Variants in AKAP9 observed in about 807,000 individuals in gnomAD.
AKAP9 encodes the protein A-kinase anchoring protein 9.
A neutral mutation model predicts 488.5 loss-of-function variants in AKAP9; 311 were observed. That is an observed-to-expected ratio of 0.64 (90% confidence interval 0.58 to 0.70). The LOEUF (loss-of-function observed/expected upper bound fraction) is 0.70. Ranked by LOEUF, AKAP9 falls within the 30% of genes least tolerant of loss-of-function variation. The probability of loss-of-function intolerance (pLI) is 0.00; values close to 1 mark genes in which losing one functional copy is unlikely to be tolerated. For synonymous variants in AKAP9, 1,462 were observed against 1,483.5 expected, an observed-to-expected ratio of 0.99 and a Z score of 0.33; for missense variants, 4,215 against 4,374.5, an observed-to-expected ratio of 0.96 and a Z score of 1.03.
At chr7:92,017,171 T>G in intron 12 of AKAP9, 69 bp downstream of exon 12, 1 of 1,182,770 alleles carries the variant, frequency 8.5e-7, no homozygotes, top group East Asian at 2.6e-5. Flanking sequence ...GTAAGCTGCT[T>G]TTATCAACCA....
At chr7:92,071,111 C>A in intron 28 of AKAP9, 102 bp downstream of exon 28, 1 of 1,120,264 alleles carries the variant, frequency 8.9e-7, no homozygotes, top group Non-Finnish European at 1.3e-6. Flanking sequence ...GATCTAAAAC[C>A]AAAGTTGAGG....
At chr7:92,069,986 C>A (rs752395028) in intron 26 of AKAP9, 44 bp from the exon 27 acceptor site, 18 of 1,575,726 alleles carry the variant, frequency 1.1e-5, no homozygotes, top group Admixed American at 1.7e-5. Flanking sequence ...AACTAGCTTG[C>A]TGAAATTTTT....
In AKAP9 at chr7:92,080,048, A is replaced by G. The variant is rs1426533488; in HGVS notation, c.7915A>G (p.Lys2639Glu). The change falls in exon 31 of 50, where the codon AAA becomes GAA. Residue 2639 changes from lysine to glutamate, a missense_variant. Physicochemically the swap from Lys to Glu is moderately conservative, Grantham distance 56. Coordinates refer to ENST00000356239, the MANE Select transcript of AKAP9 (RefSeq NM_005751.5). ...VEIAEKNVLE[K>E]EKKLLELQKL... Reference sequence around the variant, plus strand: ...AATTGCAGAAAAAAATGTTTTAGAAAAAGAAAAGAAGCTGCTAGAACTACA... The same window carrying G: ...AATTGCAGAAAAAAATGTTTTAGAAGAAGAAAAGAAGCTGCTAGAACTACA... 5.8e-6 allele frequency: 9 copies of G among 1,564,434 alleles called. No individual in the cohort carries two copies. The highest frequency in any genetic ancestry group is 1.7e-4 in the Middle Eastern group (1 of 5,726).
intron 12 of AKAP9, 37 bp downstream of exon 12, chr7:92,017,139 T>G: frequency 7.0e-7 from 1 of 1,435,486 alleles, no homozygotes. Flanking sequence ...ATATTTGCAT[T>G]TATTGTATTG....
chr7:91,990,790 T>G (rs558638553), intron 3 of AKAP9, among the ~76,000 whole-genome samples: 8 of 152,340 alleles, frequency 5.3e-5, no homozygotes, highest in African/African-American at 1.7e-4. Context: ...TTGTATCATA[T>G]TTGAAGAAGC....
chr7:92,108,344 C>T, intron 48 of AKAP9, 150 bp from the exon 49 acceptor site: 1 of 752,508 alleles, frequency 1.3e-6, no homozygotes, highest in South Asian at 1.5e-5. Flanking sequence ...GTCTCTTTCT[C>T]ATCCCAAGCT....
At chr7:92,056,525 C>T (rs1475714605) in intron 22 of AKAP9, among the ~76,000 whole-genome samples, 2 of 150,652 alleles carry the variant, frequency 1.3e-5, no homozygotes, top group East Asian at 2.0e-4. Flanking sequence ...TGCAACCCTC[C>T]AGTTAATCTG....
In AKAP9 at chr7:92,022,896, C is replaced by T. The variant is rs1415839987; in HGVS notation, c.4035C>T (p.Ser1345=). Residue 1345 remains serine, a synonymous_variant, in exon 14 of 50, where the codon AGC becomes AGT. Coordinates refer to ENST00000356239, the MANE Select transcript of AKAP9 (RefSeq NM_005751.5). Reference sequence around the variant, plus strand: ...AAGAACAAGTTCAAGAATTAGAAAGCCTCATATCCTCTTTGCAGCAACAGT... The same window carrying T: ...AAGAACAAGTTCAAGAATTAGAAAGTCTCATATCCTCTTTGCAGCAACAGT... The part of the protein sequence containing the change: ...KLEEQVQELE[S]LISSLQQQLK... 30 of 1,612,376 alleles carry T rather than the reference C, an allele frequency of 1.9e-5. No homozygotes were observed. In the Admixed American group the frequency reaches 5.0e-4, roughly 27 times the overall value.
chr7:91,982,437 C>G lies in AKAP9; in HGVS notation c.351+2104C>G, dbSNP rs143230415. 7.6e-3 allele frequency among the ~76,000 whole-genome samples: 1,151 copies of G among 151,954 alleles called. 10 individuals are homozygous for G. Among genetic ancestry groups the G allele is most frequent in the Middle Eastern group, 0.017 (5 of 294 alleles). On this transcript the variant is annotated intron_variant, in intron 3 of 49. Coordinates refer to ENST00000356239, the MANE Select transcript of AKAP9 (RefSeq NM_005751.5). Reference sequence around the variant, plus strand: ...ATTCCCACCTATGAGTGAGAACTTGCAGTGTTTGGTTTTCTGTCATTGTGA... The same window carrying G: ...ATTCCCACCTATGAGTGAGAACTTGGAGTGTTTGGTTTTCTGTCATTGTGA...
At chr7:92,044,953 A>C in intron 20 of AKAP9, 55 bp from the exon 21 acceptor site, 1 of 1,414,774 alleles carries the variant, frequency 7.1e-7, no homozygotes, top group Non-Finnish European at 1.0e-6. Flanking sequence ...ACATAAGCAA[A>C]GTGTTTGCTT....
intron 3 of AKAP9, among the ~76,000 whole-genome samples, chr7:91,982,526 C>T (rs1001177060): frequency 6.6e-6 from 1 of 152,062 alleles, no homozygotes; most frequent in Non-Finnish European, 1.5e-5. Flanking sequence ...TGAACTCATC[C>T]TTTTTTATGG....
intron 2 of AKAP9, among the ~76,000 whole-genome samples, chr7:91,977,908 T>G (rs555766803): frequency 6.6e-6 from 1 of 152,280 alleles, no homozygotes; most frequent in East Asian, 1.9e-4. Context: ...ATGCACTTAA[T>G]GAATATGAGG....
In AKAP9 at chr7:92,084,664, C is replaced by T. The variant is rs1814188461; in HGVS notation, c.8671C>T (p.His2891Tyr). The T allele has an allele frequency of 6.2e-7, 1 of 1,610,430 alleles. No homozygotes were observed. Among genetic ancestry groups the T allele is most frequent in the African/African-American group, 1.3e-5 (1 of 74,810 alleles). Residue 2891 changes from histidine to tyrosine, a missense_variant, in exon 34 of 50, where the codon CAT (histidine) becomes TAT (tyrosine). His to Tyr is a moderately conservative substitution (Grantham distance 83). Transcript: ENST00000356239. The part of the protein sequence containing the change: ...KEGSSIPELA[H>Y]SDAYQTREIC... Reference sequence around the variant, plus strand: ...GGGATCCTCAATTCCTGAGCTAGCACATTCTGATGCTTACCAGACTAGAGA... The same window carrying T: ...GGGATCCTCAATTCCTGAGCTAGCATATTCTGATGCTTACCAGACTAGAGA...
At chr7:92,102,878 A>G (rs768996588) in intron 46 of AKAP9, 52 bp downstream of exon 46, 4 of 1,464,368 alleles carry the variant, frequency 2.7e-6, no homozygotes, top group Admixed American at 3.3e-5. Flanking sequence ...TAAAAGGATT[A>G]GTTATTTTTA....
At chr7:92,036,361 G>A (rs1169371314) in intron 16 of AKAP9, among the ~76,000 whole-genome samples, 1 of 151,690 alleles carries the variant, frequency 6.6e-6, no homozygotes, top group Non-Finnish European at 1.5e-5. Flanking sequence ...CTGGAGTGCA[G>A]TGGTGTGATC....
At chr7:91,976,249 G>C (rs1795671821) in intron 2 of AKAP9, among the ~76,000 whole-genome samples, 2 of 151,838 alleles carry the variant, frequency 1.3e-5, no homozygotes, top group Admixed American at 6.6e-5. Flanking sequence ...TTTGAGACAG[G>C]ATCTCACTCT....
At chr7:92,005,599 A>G (rs1461478034) in intron 8 of AKAP9, among the ~76,000 whole-genome samples, 3 of 152,184 alleles carry the variant, frequency 2.0e-5, no homozygotes, top group Admixed American at 6.5e-5. Context: ...TTTATATCAA[A>G]TGTAGAGATA....
chr7:92,083,870 C>T (rs894388264), intron 33 of AKAP9, among the ~76,000 whole-genome samples: 1 of 152,068 alleles, frequency 6.6e-6, no homozygotes, highest in African/African-American at 2.4e-5. Context: ...GATACACGTG[C>T]AGGATGTGCA....
intron 22 of AKAP9, among the ~76,000 whole-genome samples, chr7:92,056,574 G>C (rs746993479): frequency 6.6e-6 from 1 of 150,890 alleles, no homozygotes; most frequent in Non-Finnish European, 1.5e-5. Flanking sequence ...AGACTAACTG[G>C]AGGGTTGCAT....
Sources: allele counts gnomAD v4.1 joint callset (sites outside exome capture counted in the v4.1 genomes callset), GRCh38; gene constraint gnomAD v4.1.1; transcripts MANE v1.5; gene names NCBI Gene and HGNC (gene_info 2026-07-23, HGNC 2026-07-21).